Variants in GNA14 observed in about 807,000 individuals in gnomAD.
GNA14 encodes G protein subunit alpha 14.
In GNA14, 50 loss-of-function variants were observed where a neutral mutation model predicts 42.0. That is an observed-to-expected ratio of 1.19 (90% CI 0.95 to 1.51). The LOEUF (loss-of-function observed/expected upper bound fraction) is 1.51, where lower values mean the gene tolerates loss of function less well. GNA14 is among the 40% of genes most tolerant of loss of function. The probability of loss-of-function intolerance (pLI) is 0.00; values close to 1 mark genes in which losing one functional copy is unlikely to be tolerated. For missense variants in GNA14, 473 were observed against 446.2 expected, an observed-to-expected ratio of 1.06 and a Z score of -0.54; for synonymous variants, 173 against 163.1, an observed-to-expected ratio of 1.06 and a Z score of -0.46.
At chr9:77,443,853 G>A (rs908761501) in intron 2 of GNA14, among the ~76,000 whole-genome samples, 1 of 152,102 alleles carries the variant, frequency 6.6e-6, no homozygotes, top group Non-Finnish European at 1.5e-5. Flanking sequence ...ATGGTGATGC[G>A]TGCCTGTAGC....
intron 2 of GNA14, among the ~76,000 whole-genome samples, chr9:77,463,398 G>C (rs1228194618): frequency 6.6e-6 from 1 of 152,120 alleles, no homozygotes; most frequent in Non-Finnish European, 1.5e-5. Context: ...CTTAAAAAAA[G>C]AAAAAAACCA....
At chr9:77,554,168 T>C (rs1822728185) in intron 1 of GNA14, among the ~76,000 whole-genome samples, 1 of 152,198 alleles carries the variant, frequency 6.6e-6, no homozygotes, top group South Asian at 2.1e-4. Context: ...CTGCAAGCAC[T>C]CAGCCAGTGC....
At chr9:77,641,800 C>T (rs568247294) in intron 1 of GNA14, among the ~76,000 whole-genome samples, 2 of 152,152 alleles carry the variant, frequency 1.3e-5, no homozygotes, top group Non-Finnish European at 1.5e-5. Context: ...ACAAATATTG[C>T]ATCAAAGTGA....
chr9:77,584,511 C>T (rs908106536), intron 1 of GNA14, among the ~76,000 whole-genome samples: 3 of 151,330 alleles, frequency 2.0e-5, no homozygotes. Flanking sequence ...TGACTTACCC[C>T]CCACCCCCCA....
chr9:77,582,005 C>T (rs1007181456), intron 1 of GNA14, among the ~76,000 whole-genome samples: 1 of 152,238 alleles, frequency 6.6e-6, no homozygotes. Context: ...CTCAATCCAG[C>T]TCCCTGAAGC....
chr9:77,493,427 A>G (rs957885699), intron 2 of GNA14, among the ~76,000 whole-genome samples: 1 of 152,226 alleles, frequency 6.6e-6, no homozygotes, highest in Non-Finnish European at 1.5e-5. Context: ...CTCTGATCAT[A>G]AAGTACCAAC....
chr9:77,493,026 A>AAAAATATATATATATATAT (rs1554691641), intron 2 of GNA14, among the ~76,000 whole-genome samples: 5 of 51,700 alleles, frequency 9.7e-5, no homozygotes, highest in Admixed American at 1.9e-4. Context: ...AAAAAAAAAA[A>AAAAATATATATATATATAT]ATATATATAT....
chr9:77,489,421 C>T (rs973976434), intron 2 of GNA14, among the ~76,000 whole-genome samples: 2 of 152,184 alleles, frequency 1.3e-5, no homozygotes, highest in African/African-American at 4.8e-5. Flanking sequence ...ACAGGAAGAT[C>T]AGTGAACACC....
intron 1 of GNA14, among the ~76,000 whole-genome samples, chr9:77,646,892 A>G (rs2118049947): frequency 6.6e-6 from 1 of 152,338 alleles, no homozygotes; most frequent in Non-Finnish European, 1.5e-5. Flanking sequence ...ACCTTTGCAG[A>G]GACACCAAAA....
chr9:77,619,727 G>C (rs1823892264), intron 1 of GNA14, among the ~76,000 whole-genome samples: 1 of 152,142 alleles, frequency 6.6e-6, no homozygotes, highest in Admixed American at 6.5e-5. Context: ...CTGGCCTATA[G>C]TCAGCACTAC....
chr9:77,428,387 G>C (rs899983726), intron 5 of GNA14, among the ~76,000 whole-genome samples: 1 of 152,042 alleles, frequency 6.6e-6, no homozygotes, highest in Non-Finnish European at 1.5e-5. Flanking sequence ...CCAAGAGATG[G>C]CATTTTTAAA....
intron 1 of GNA14, among the ~76,000 whole-genome samples, chr9:77,604,223 C>G (rs2117925458): frequency 6.6e-6 from 1 of 152,256 alleles, no homozygotes; most frequent in East Asian, 1.9e-4. Flanking sequence ...ATGCTCTGTT[C>G]TGCTACACCC....
At chr9:77,452,578 A>ATC (rs1564018299) in intron 2 of GNA14, among the ~76,000 whole-genome samples, 2 of 2,774 alleles carry the variant, frequency 7.2e-4, no homozygotes, top group African/African-American at 2.6e-3. Context: ...GTGTATGTGC[A>ATC]TGTGTATGTG....
chr9:77,452,436 A>C (rs74832359), intron 2 of GNA14, among the ~76,000 whole-genome samples: 7,837 of 151,756 alleles, frequency 0.052, 668 homozygotes, highest in African/African-American at 0.18. Context: ...ACAAAACACT[A>C]CTCTACAAAA....
chr9:77,457,784 A>G (rs1201611741), intron 2 of GNA14, among the ~76,000 whole-genome samples: 8 of 152,202 alleles, frequency 5.3e-5, no homozygotes, highest in Admixed American at 5.2e-4. Context: ...CTAGTTTTGT[A>G]GTAGTTCTCC....
chr9:77,581,451 G>A (rs990382953), intron 1 of GNA14, among the ~76,000 whole-genome samples: 3 of 152,170 alleles, frequency 2.0e-5, no homozygotes, highest in African/African-American at 7.2e-5. Context: ...TCATGTGGTT[G>A]TAAAGATAAC....
chr9:77,619,895 T>G (rs1823894227), intron 1 of GNA14, among the ~76,000 whole-genome samples: 1 of 152,202 alleles, frequency 6.6e-6, no homozygotes, highest in Non-Finnish European at 1.5e-5. Flanking sequence ...GACTACCAAT[T>G]CATTTCTGTC....
At chr9:77,461,507 T>C (rs1836105273) in intron 2 of GNA14, among the ~76,000 whole-genome samples, 1 of 152,164 alleles carries the variant, frequency 6.6e-6, no homozygotes, top group African/African-American at 2.4e-5. Flanking sequence ...TGTAAGCAAT[T>C]GGGTGGGATT....
chr9:77,493,956 T>C (rs776549876), intron 2 of GNA14, among the ~76,000 whole-genome samples: 2 of 152,234 alleles, frequency 1.3e-5, no homozygotes, highest in Non-Finnish European at 2.9e-5. Context: ...AGTCTCACTC[T>C]GTCACCCAGG....
Sources: allele counts gnomAD v4.1 joint callset (sites outside exome capture counted in the v4.1 genomes callset), GRCh38; gene constraint gnomAD v4.1.1; transcripts MANE v1.5; gene names NCBI Gene and HGNC (gene_info 2026-07-23, HGNC 2026-07-21).